ADGRL2: variants seen among roughly 807,000 people sequenced by gnomAD.
ADGRL2 encodes adhesion G protein-coupled receptor L2.
ADGRL2 carries 44 observed loss-of-function variants against 157.4 expected under a neutral mutation model. That is an observed-to-expected ratio of 0.28 (90% confidence interval 0.22 to 0.36). The LOEUF is 0.36. Among genes scored for constraint, ADGRL2 ranks in the 10% least tolerant of loss-of-function variants. ADGRL2 has a pLI of 1.00. For synonymous variants in ADGRL2, 585 were observed against 624.7 expected (o/e 0.94, Z 0.95); for missense variants, 1,510 against 1,768.9 (o/e 0.85, Z 2.63).
intron 2 of ADGRL2, among the ~76,000 whole-genome samples, chr1:81,793,550 C>T (rs1426153587): frequency 6.6e-6 from 1 of 151,998 alleles, no homozygotes; most frequent in Non-Finnish European, 1.5e-5. Context: ...AAAATTCAGG[C>T]AAAGACAGAC....
intron 1 of ADGRL2, among the ~76,000 whole-genome samples, chr1:81,741,752 T>C (rs2085079985): frequency 1.3e-5 from 2 of 152,008 alleles, no homozygotes; most frequent in South Asian, 2.1e-4. Context: ...ATATCTTTGA[T>C]GTCAGAGCCA....
At chr1:81,747,340 G>A (rs370544456) in intron 1 of ADGRL2, among the ~76,000 whole-genome samples, 47 of 147,666 alleles carry the variant, frequency 3.2e-4, no homozygotes, top group East Asian at 4.0e-4. Context: ...TTGCTCTGTC[G>A]CCCAGGCTGG....
chr1:81,435,053 A>C (rs1430891752), intron 1 of ADGRL2, among the ~76,000 whole-genome samples: 1 of 152,182 alleles, frequency 6.6e-6, no homozygotes, highest in Non-Finnish European at 1.5e-5. Flanking sequence ...ATTGACATGA[A>C]TTTTATTTTA....
chr1:81,866,841 C>T (rs1394177111), intron 2 of ADGRL2, among the ~76,000 whole-genome samples: 1 of 152,072 alleles, frequency 6.6e-6, no homozygotes, highest in Non-Finnish European at 1.5e-5. Flanking sequence ...AAACTAATCT[C>T]TGATATTTGG....
At chr1:81,830,792 C>T (rs895268840) in intron 1 of ADGRL2, among the ~76,000 whole-genome samples, 5 of 152,226 alleles carry the variant, frequency 3.3e-5, no homozygotes, top group African/African-American at 1.2e-4. Flanking sequence ...CAGGCGTGAG[C>T]CACCGCGCCT....
At chr1:81,523,815 G>A (rs2079382446) in intron 2 of ADGRL2, among the ~76,000 whole-genome samples, 1 of 152,154 alleles carries the variant, frequency 6.6e-6, no homozygotes, top group Non-Finnish European at 1.5e-5. Flanking sequence ...TGTAATCCCA[G>A]CACTTTGGGA....
chr1:81,726,231 A>G (rs2084524273), intron 1 of ADGRL2, among the ~76,000 whole-genome samples: 1 of 152,044 alleles, frequency 6.6e-6, no homozygotes, highest in African/African-American at 2.4e-5. Flanking sequence ...CACAACCCTT[A>G]CAGAAATCCT....
At chr1:81,371,441 A>G (rs2076158876) in intron 1 of ADGRL2, among the ~76,000 whole-genome samples, 1 of 152,254 alleles carries the variant, frequency 6.6e-6, no homozygotes, top group Non-Finnish European at 1.5e-5. Context: ...CTGGGTTTCC[A>G]AAACTAATGT....
chr1:81,600,901 T>A (rs940984231), intron 3 of ADGRL2, among the ~76,000 whole-genome samples: 3 of 152,218 alleles, frequency 2.0e-5, no homozygotes, highest in Non-Finnish European at 1.5e-5. Context: ...CTGGAAAGGC[T>A]TGGATCTATC....
chr1:81,411,873 C>T (rs2101431890), intron 1 of ADGRL2, among the ~76,000 whole-genome samples: 1 of 140,816 alleles, frequency 7.1e-6, no homozygotes, highest in East Asian at 2.1e-4. Context: ...AAGCGAGACT[C>T]CGTCTTAAAA....
chr1:81,307,162 A>T (rs974308558), intron 1 of ADGRL2, among the ~76,000 whole-genome samples: 4 of 152,060 alleles, frequency 2.6e-5, no homozygotes, highest in Non-Finnish European at 4.4e-5. Context: ...ATTACAGAAA[A>T]GTTTAATGTA....
intron 1 of ADGRL2, among the ~76,000 whole-genome samples, chr1:81,412,379 T>G (rs1461094673): frequency 6.6e-6 from 1 of 152,248 alleles, no homozygotes; most frequent in Admixed American, 6.5e-5. Context: ...AAGGACACAC[T>G]GCATATACCA....
chr1:81,421,279 A>T (rs540886963), intron 1 of ADGRL2, among the ~76,000 whole-genome samples: 1 of 152,268 alleles, frequency 6.6e-6, no homozygotes, highest in East Asian at 1.9e-4. Flanking sequence ...TTTACTATTG[A>T]TCCTCATCTT....
rs777075652 is a variant in ADGRL2, at chr1:81,970,554, C to T, written c.2954+20C>T. On this transcript the variant is annotated intron_variant, in intron 16 of 23. Transcript: ENST00000686636. The stretch of plus-strand genomic sequence containing the variant: ...AAAAGCGTAAGTAATTGCAAGCGAC[C>T]TGAGTGTTTTTCAAGTGAATAATTT... 3.8e-6 allele frequency: 6 copies of T among 1,581,062 alleles called. No homozygotes were observed. The African/African-American group carries it at 4.1e-5, about 11-fold the overall frequency.
intron 1 of ADGRL2, among the ~76,000 whole-genome samples, chr1:81,314,060 G>A (rs893600797): frequency 3.9e-5 from 6 of 152,296 alleles, no homozygotes; most frequent in Middle Eastern, 3.4e-3. Flanking sequence ...GCAAAATGCT[G>A]ATTATCTGTC....
intron 1 of ADGRL2, among the ~76,000 whole-genome samples, chr1:81,429,509 T>C (rs1332500348): frequency 6.6e-6 from 1 of 152,212 alleles, no homozygotes; most frequent in African/African-American, 2.4e-5. Flanking sequence ...CCACTAGCCA[T>C]TGGTTGCCTG....
intron 2 of ADGRL2, among the ~76,000 whole-genome samples, chr1:81,475,573 A>T (rs911302552): frequency 2.6e-5 from 4 of 152,192 alleles, no homozygotes; most frequent in African/African-American, 9.7e-5. Context: ...CATTTGATGG[A>T]TGAGGGAAAA....
intron 3 of ADGRL2, among the ~76,000 whole-genome samples, chr1:81,666,774 G>A (rs548466771): frequency 1.2e-4 from 18 of 152,258 alleles, no homozygotes; most frequent in African/African-American, 2.4e-4. Context: ...TCTCATTCCC[G>A]GCTCAAACTA....
intron 2 of ADGRL2, among the ~76,000 whole-genome samples, chr1:81,778,400 T>A (rs1354664689): frequency 6.6e-6 from 1 of 152,166 alleles, no homozygotes; most frequent in African/African-American, 2.4e-5. Flanking sequence ...AAAGTCCTTA[T>A]TAAATGCTTT....
Sources: allele counts gnomAD v4.1 joint callset (sites outside exome capture counted in the v4.1 genomes callset), GRCh38; gene constraint gnomAD v4.1.1; transcripts MANE v1.5; gene names NCBI Gene and HGNC (gene_info 2026-07-23, HGNC 2026-07-21).